NAV2: variants seen among roughly 807,000 people sequenced by gnomAD.
NAV2 encodes helicase, APC down-regulated 1.
NAV2 carries 54 observed loss-of-function variants against 223.2 expected under a neutral mutation model. The ratio of observed to expected loss-of-function variants is 0.24; its 90% CI spans 0.19 to 0.30. The LOEUF is 0.30. NAV2 is among the 10% of genes least tolerant of loss of function. NAV2 has a pLI of 1.00. For missense variants in NAV2, 2,806 were observed against 3,147.5 expected (o/e 0.89, Z 2.60); for synonymous variants, 1,279 against 1,239.3 (o/e 1.03, Z -0.67).
intron 32 of NAV2, 121 bp from the exon 33 acceptor site, chr11:20,103,134 G>A (rs149194389): frequency 2.8e-5 from 26 of 917,986 alleles, no homozygotes; most frequent in Non-Finnish European, 3.5e-5. Flanking sequence ...TGTTTACAGC[G>A]CAGAATCATG....
chr11:19,688,158 G>A (rs1262301633), intron 1 of NAV2, among the ~76,000 whole-genome samples: 1 of 152,202 alleles, frequency 6.6e-6, no homozygotes, highest in Non-Finnish European at 1.5e-5. Flanking sequence ...ATTCTTACAT[G>A]AGAAGCAAAG....
chr11:20,038,358 T>C (rs2056596735), intron 12 of NAV2, among the ~76,000 whole-genome samples: 1 of 152,110 alleles, frequency 6.6e-6, no homozygotes, highest in South Asian at 2.1e-4. Context: ...ACTACCTGAG[T>C]TTAAAATGTT....
intron 1 of NAV2, among the ~76,000 whole-genome samples, chr11:19,674,144 C>T (rs1051919105): frequency 4.6e-5 from 7 of 152,220 alleles, no homozygotes; most frequent in African/African-American, 1.7e-4. Context: ...TTCCTCTGCG[C>T]TCTCTCCTGC....
At chr11:19,549,754 G>A (rs2044628936) in intron 1 of NAV2, among the ~76,000 whole-genome samples, 1 of 152,240 alleles carries the variant, frequency 6.6e-6, no homozygotes, top group South Asian at 2.1e-4. Flanking sequence ...ACAGCGTAGA[G>A]GCCCCAGTGG....
upstream of NAV2, among the ~76,000 whole-genome samples, chr11:19,708,078 C>T (rs76884018): frequency 0.071 from 10,878 of 152,248 alleles, 463 homozygotes; most frequent in South Asian, 0.092. Flanking sequence ...AAAAAAGCCC[C>T]AGAGGTTACC....
intron 1 of NAV2, among the ~76,000 whole-genome samples, chr11:19,485,366 G>T (rs536415679): frequency 1.3e-5 from 2 of 152,244 alleles, no homozygotes; most frequent in South Asian, 4.1e-4. Flanking sequence ...CCAAGTGGGA[G>T]GTGAGAGAAT....
chr11:19,454,243 T>G (rs1590232154), intron 1 of NAV2, among the ~76,000 whole-genome samples: 1 of 152,282 alleles, frequency 6.6e-6, no homozygotes, highest in East Asian at 1.9e-4. Flanking sequence ...CAGGGTTGTT[T>G]TGATGATACT....
At chr11:20,002,448 C>T (rs1320849097) in intron 11 of NAV2, among the ~76,000 whole-genome samples, 1 of 152,070 alleles carries the variant, frequency 6.6e-6, no homozygotes. Flanking sequence ...GATGTCAGTG[C>T]GTTCAGATTC....
At chr11:20,040,661 T>C (rs1159923693) in intron 12 of NAV2, among the ~76,000 whole-genome samples, 5 of 152,106 alleles carry the variant, frequency 3.3e-5, no homozygotes, top group Non-Finnish European at 7.4e-5. Context: ...CACCTTCCCA[T>C]GTGGATATCG....
At chr11:19,706,915 T>C (rs2049681091) in intron 1 of NAV2, among the ~76,000 whole-genome samples, 1 of 152,230 alleles carries the variant, frequency 6.6e-6, no homozygotes. Context: ...CTATAGCCTA[T>C]TGCTGCTGGG....
chr11:19,510,375 C>T (rs2134224107), intron 1 of NAV2, among the ~76,000 whole-genome samples: 1 of 152,326 alleles, frequency 6.6e-6, no homozygotes, highest in Admixed American at 6.5e-5. Flanking sequence ...AGAGCCAGTT[C>T]TCCATACTGA....
At chr11:19,758,948 C>A (rs1366534989) in intron 1 of NAV2, among the ~76,000 whole-genome samples, 4 of 152,120 alleles carry the variant, frequency 2.6e-5, no homozygotes, top group African/African-American at 7.2e-5. Context: ...TGTGGAGGAA[C>A]CCTCCTGTCT....
rs2052206728 is a variant in NAV2, at chr11:19,998,686, C to T, written c.2768+14439C>T. On this transcript the variant is annotated intron_variant, in intron 11 of 37. Transcript: ENST00000349880. This position sits in a 1 kb window ranked among gnomAD's most constrained non-coding sequence, Gnocchi z 5.0. ...TCAGAAGCTTTGCACATACTGTCCC[C>T]TCTGCATAGACTGTGCTTCCCCCCC... Among the ~76,000 whole-genome samples the T allele has an allele frequency of 6.7e-6, 1 of 148,400 alleles. No individual in the cohort carries two copies. Among genetic ancestry groups the T allele is most frequent in the Non-Finnish European group, 1.5e-5 (1 of 66,706 alleles).
intron 3 of NAV2, among the ~76,000 whole-genome samples, chr11:19,865,477 A>G (rs949956094): frequency 1.8e-4 from 28 of 152,320 alleles, no homozygotes; most frequent in South Asian, 4.1e-4. Flanking sequence ...TGGAAGCCAC[A>G]TCTGACCCCA....
chr11:19,351,065 T>G, intron 1 of NAV2: 2 of 1,280,962 alleles, frequency 1.6e-6, no homozygotes, highest in Non-Finnish European at 2.1e-6. Context: ...TGGATTATGG[T>G]GCTGATTGCT....
At chr11:19,429,154 T>G (rs1043761574) in intron 1 of NAV2, among the ~76,000 whole-genome samples, 9 of 152,204 alleles carry the variant, frequency 5.9e-5, no homozygotes, top group Admixed American at 4.6e-4. Context: ...TCTTGCCAGA[T>G]TGGGAGCTCA....
At chr11:19,856,704 T>C (rs1026674922) in intron 3 of NAV2, among the ~76,000 whole-genome samples, 2 of 152,120 alleles carry the variant, frequency 1.3e-5, no homozygotes, top group Non-Finnish European at 2.9e-5. Context: ...ATTAACACAA[T>C]AGGGTGTTCT....
intron 19 of NAV2, among the ~76,000 whole-genome samples, chr11:20,061,614 G>T (rs1200681872): frequency 6.6e-6 from 1 of 151,680 alleles, no homozygotes; most frequent in Non-Finnish European, 1.5e-5. Flanking sequence ...GGGCAGGAAG[G>T]GTGCTAAGGA....
chr11:19,600,885 C>A (rs1466338864), intron 1 of NAV2, among the ~76,000 whole-genome samples: 1 of 152,200 alleles, frequency 6.6e-6, no homozygotes, highest in East Asian at 1.9e-4. Flanking sequence ...AAGATCTTAA[C>A]TCAGGCTTTC....
Sources: allele counts gnomAD v4.1 joint callset (sites outside exome capture counted in the v4.1 genomes callset), GRCh38; gene constraint gnomAD v4.1.1; non-coding constraint Gnocchi (gnomAD v3.1); transcripts MANE v1.5; gene names NCBI Gene and HGNC (gene_info 2026-07-23, HGNC 2026-07-21).